The following INPP5F variants were observed in gnomAD, a reference collection of about 807,000 sequenced individuals.
INPP5F encodes the protein phosphatidylinositide 4-phosphatase SAC2.
Under a neutral mutation model 137.2 loss-of-function variants are expected in INPP5F, and 97 were observed. That is an observed-to-expected ratio of 0.71 (90% CI 0.60 to 0.84). The LOEUF (loss-of-function observed/expected upper bound fraction) is 0.84, where lower values mean the gene tolerates loss of function less well. Ranked by LOEUF, INPP5F falls within the 40% of genes least tolerant of loss-of-function variation. The pLI is 0.00. For missense variants in INPP5F, 1,271 were observed against 1,371.9 expected (o/e 0.93, Z 1.16); for synonymous variants, 504 against 476.9 (o/e 1.06, Z -0.74).
At position 119,806,284 on chromosome 10, in the gene INPP5F, ATACTT is replaced by A. The variant is rs565556100; in HGVS notation, c.1320-73_1320-69del. 2.4e-4 allele frequency: 251 copies of A among 1,057,684 alleles called. No individual in the cohort carries two copies. The Middle Eastern group carries it at 3.5e-3, about 15-fold the overall frequency. The allele number at this position is 1,057,684 out of a possible 1,614,324, so 65.5% of individuals were successfully genotyped here. ...CAGCCAGTGCTGCTGTTTTATTGATATACTTTAAAGAATTGTGTCTTTTGAAAACC... is the reference window on the plus strand; with the variant it reads ...CAGCCAGTGCTGCTGTTTTATTGATATAAAGAATTGTGTCTTTTGAAAACC... On this transcript the variant is annotated intron_variant, in intron 11 of 19. Coordinates refer to ENST00000650623, the MANE Select transcript of INPP5F (RefSeq NM_014937.4).
chr10:119,736,590 C>T (rs1848222694), intron 1 of INPP5F, among the ~76,000 whole-genome samples: 1 of 152,220 alleles, frequency 6.6e-6, no homozygotes, highest in African/African-American at 2.4e-5. Context: ...GTCCTAATTA[C>T]ACTGTGGGAC....
intron 1 of INPP5F, among the ~76,000 whole-genome samples, chr10:119,744,495 G>A (rs1848470384): frequency 7.8e-5 from 2 of 25,718 alleles, no homozygotes; most frequent in African/African-American, 2.3e-4. Context: ...TTTTATACCT[G>A]TAGCATTTTT....
chr10:119,774,356 A>G (rs759743029), intron 2 of INPP5F, among the ~76,000 whole-genome samples: 19 of 151,788 alleles, frequency 1.3e-4, no homozygotes, highest in South Asian at 2.1e-4. Context: ...AGATACCAAC[A>G]AGTTTGAAAT....
At chr10:119,775,001 A>G (rs1035341920) in intron 2 of INPP5F, among the ~76,000 whole-genome samples, 2 of 152,092 alleles carry the variant, frequency 1.3e-5, no homozygotes, top group Non-Finnish European at 2.9e-5. Context: ...TCAAAAAATA[A>G]AAAAAACTAA....
chr10:119,827,653 A>G lies in INPP5F; in HGVS notation c.3272A>G (p.His1091Arg), dbSNP rs964577046. The change falls in exon 20 of 20, where the codon CAT becomes CGT. Residue 1091 changes from histidine (H) to arginine (R), a missense_variant. By Grantham distance (29) the His-to-Arg change is conservative. Transcript: ENST00000650623. ...AGTATTACCCAAGCTGGATTAACCC[A>G]TGGGATAAACTTTGCAGTGTCAAAA... is the stretch of plus-strand genomic sequence containing the variant. Reference protein sequence around the residue: ...VASITQAGLTHGINFAVSKVQ... With the variant: ...VASITQAGLTRGINFAVSKVQ... The G allele has an allele frequency of 1.2e-6, 2 of 1,614,190 alleles. No homozygotes were observed. Among genetic ancestry groups the G allele is most frequent in the East Asian group, 2.2e-5 (1 of 44,882 alleles).
At chr10:119,760,447 T>C (rs1034498386) in intron 2 of INPP5F, among the ~76,000 whole-genome samples, 1 of 152,164 alleles carries the variant, frequency 6.6e-6, no homozygotes, top group African/African-American at 2.4e-5. Flanking sequence ...TGAGACCCTG[T>C]CTCTTAAAGA....
intron 1 of INPP5F, among the ~76,000 whole-genome samples, chr10:119,731,144 T>A (rs1416123204): frequency 2.0e-5 from 3 of 152,138 alleles, no homozygotes; most frequent in Non-Finnish European, 4.4e-5. Context: ...ATGTTAAAAA[T>A]TTTTTCTGTT....
In INPP5F at chr10:119,826,781, C is replaced by T; in HGVS notation, c.2400C>T (p.Leu800=). The T allele has an allele frequency of 1.2e-6, 2 of 1,613,796 alleles. No homozygotes were observed. Among genetic ancestry groups the T allele is most frequent in the Non-Finnish European group, 1.7e-6 (2 of 1,179,946 alleles). ...QTKSNVNIGN[L]RKLGNFTKPE... ...AATCCAATGTAAATATTGGCAACCT[C>T]CGAAAGCTAGGAAACTTTACCAAAC... The change falls in exon 20 of 20, where the codon CTC becomes CTT. Residue 800 remains leucine (L), a synonymous_variant. Coordinates refer to ENST00000650623, the MANE Select transcript of INPP5F (RefSeq NM_014937.4).
At chr10:119,772,583 A>G (rs1253135093) in intron 2 of INPP5F, among the ~76,000 whole-genome samples, 1 of 152,094 alleles carries the variant, frequency 6.6e-6, no homozygotes, top group Non-Finnish European at 1.5e-5. Context: ...ATTATGTATC[A>G]TGCTTCCGAA....
intron 2 of INPP5F, among the ~76,000 whole-genome samples, chr10:119,766,190 TTTG>T (rs1849160936): frequency 6.6e-6 from 1 of 152,130 alleles, no homozygotes; most frequent in African/African-American, 2.4e-5. Flanking sequence ...CCTCTGCCTT[TTTG>T]TTCTATTCTG....
chr10:119,784,813 TC>T (rs1849823240), intron 3 of INPP5F, among the ~76,000 whole-genome samples: 1 of 152,076 alleles, frequency 6.6e-6, no homozygotes, highest in South Asian at 2.1e-4. Context: ...CCTTTCATCA[TC>T]CCCCGAAAAA....
At chr10:119,797,790 T>A in intron 8 of INPP5F, 150 bp downstream of exon 8, 1 of 599,614 alleles carries the variant, frequency 1.7e-6, no homozygotes, top group Non-Finnish European at 2.7e-6. Flanking sequence ...GAAAGTAATG[T>A]AATAATCATA....
chr10:119,747,289 T>C (rs898962622), intron 1 of INPP5F, among the ~76,000 whole-genome samples: 7 of 151,958 alleles, frequency 4.6e-5, no homozygotes, highest in African/African-American at 1.5e-4. Flanking sequence ...AGTGGTATGA[T>C]CTCAGTTCAC....
chr10:119,726,253 C>T lies in INPP5F; in HGVS notation c.-10C>T, dbSNP rs1224570552. 2.8e-6 allele frequency: 4 copies of T among 1,452,118 alleles called. No homozygotes were observed. Among genetic ancestry groups the T allele is most frequent in the African/African-American group, 3.0e-5 (2 of 67,412 alleles). The allele number at this position is 1,452,118 out of a possible 1,614,324, so 90.0% of individuals were successfully genotyped here. On this transcript the variant is annotated 5_prime_UTR_variant, in exon 1 of 20. Coordinates refer to ENST00000650623, the MANE Select transcript of INPP5F (RefSeq NM_014937.4). The stretch of plus-strand genomic sequence containing the variant: ...GCGGGCCGCCGCCTCCCTGGGCGCG[C>T]GGGGCCAGCATGGAGCTCTTCCAAG...
At chr10:119,740,032 T>G (rs1848329327) in intron 1 of INPP5F, among the ~76,000 whole-genome samples, 1 of 119,124 alleles carries the variant, frequency 8.4e-6, no homozygotes, top group South Asian at 2.3e-4. Context: ...ATGCTTTTCT[T>G]AATTTTTTTC....
intron 8 of INPP5F, among the ~76,000 whole-genome samples, chr10:119,797,966 GAACT>G: frequency 6.6e-6 from 1 of 151,898 alleles, no homozygotes; most frequent in East Asian, 1.9e-4. Flanking sequence ...GTAGAAGCAG[GAACT>G]ATCTTAAGAT....
At chr10:119,759,173 C>T (rs1848937069) in intron 2 of INPP5F, among the ~76,000 whole-genome samples, 1 of 152,186 alleles carries the variant, frequency 6.6e-6, no homozygotes, top group Non-Finnish European at 1.5e-5. Flanking sequence ...GCACGTACCA[C>T]CGTGCCCAGC....
At chr10:119,794,598 G>A (rs887757332) in intron 6 of INPP5F, among the ~76,000 whole-genome samples, 7 of 151,568 alleles carry the variant, frequency 4.6e-5, no homozygotes, top group East Asian at 2.0e-4. Flanking sequence ...AGGGGCGGCC[G>A]GGCAAAGGCG....
At chr10:119,794,632 G>T (rs2134212798) in intron 6 of INPP5F, among the ~76,000 whole-genome samples, 1 of 150,814 alleles carries the variant, frequency 6.6e-6, no homozygotes, top group South Asian at 2.1e-4. Flanking sequence ...GTACGGGGCG[G>T]CTGGCCAGGT....
Sources: gnomAD v4.1 joint callset for allele counts (sites outside exome capture counted in the v4.1 genomes callset) on GRCh38, gnomAD v4.1.1 for gene constraint, MANE v1.5 for transcripts, NCBI Gene and HGNC (gene_info 2026-07-23, HGNC 2026-07-21) for gene names.